The following COX10 variants were observed in gnomAD, a reference collection of about 807,000 sequenced individuals.
COX10 encodes the protein protoheme IX farnesyltransferase, mitochondrial.
A neutral mutation model predicts 37.3 loss-of-function variants in COX10; 27 were observed. That is an observed-to-expected ratio of 0.72 (90% CI 0.53 to 1.00). The LOEUF (loss-of-function observed/expected upper bound fraction) is 1.00. COX10 is among the 50% of genes least tolerant of loss of function. COX10 has a pLI of 0.00. For synonymous variants in COX10, 222 were observed against 229.1 expected (o/e 0.97, Z 0.28); for missense variants, 475 against 563.2 (o/e 0.84, Z 1.59).
At position 14,197,125 on chromosome 17, in the gene COX10, C is replaced by T. The variant is rs555084299; in HGVS notation, c.928+4904C>T. 2.0e-5 allele frequency among the ~76,000 whole-genome samples: 3 copies of T among 152,210 alleles called. No individual in the cohort carries two copies. In the South Asian group the frequency reaches 6.2e-4, roughly 32 times the overall value. On this transcript the variant is annotated intron_variant, in intron 6 of 6. Transcript: ENST00000261643. ...ATTTGAAATGGAAATCCTGCAGCCTCATATATTGAAGGCCCAATATATTTT... is the reference window on the plus strand; with the variant it reads ...ATTTGAAATGGAAATCCTGCAGCCTTATATATTGAAGGCCCAATATATTTT...
chr17:14,183,995 G>C (rs902664320), intron 5 of COX10, among the ~76,000 whole-genome samples: 1 of 152,176 alleles, frequency 6.6e-6, no homozygotes, highest in Non-Finnish European at 1.5e-5. Flanking sequence ...AACACTATGT[G>C]CTCATTTAAC....
chr17:14,130,349 G>A (rs1916436627), intron 4 of COX10, among the ~76,000 whole-genome samples: 1 of 152,114 alleles, frequency 6.6e-6, no homozygotes, highest in African/African-American at 2.4e-5. Flanking sequence ...GCCCATCACT[G>A]CCTCTGATGT....
At chr17:14,179,802 G>A (rs867005201) in intron 5 of COX10, among the ~76,000 whole-genome samples, 18 of 151,572 alleles carry the variant, frequency 1.2e-4, no homozygotes, top group African/African-American at 4.1e-4. Flanking sequence ...TCAGATGAGA[G>A]TGATCCATAA....
chr17:14,191,701 A>G (rs1212203855), intron 5 of COX10, among the ~76,000 whole-genome samples: 31 of 151,024 alleles, frequency 2.1e-4, no homozygotes, highest in African/African-American at 5.9e-4. Flanking sequence ...CCCTATAGCC[A>G]GGAAGGGACA....
chr17:14,190,159 G>A (rs1906156570), intron 5 of COX10, among the ~76,000 whole-genome samples: 1 of 152,224 alleles, frequency 6.6e-6, no homozygotes, highest in African/African-American at 2.4e-5. Flanking sequence ...GAGAAGGCAG[G>A]AGAAGAGTTA....
chr17:14,158,008 A>G (rs1337045385), intron 4 of COX10, among the ~76,000 whole-genome samples: 1 of 152,154 alleles, frequency 6.6e-6, no homozygotes, highest in Non-Finnish European at 1.5e-5. Context: ...TATGAATCAC[A>G]GGTACCTGAC....
chr17:14,159,788 T>G (rs550318315), intron 4 of COX10, 89 bp from the exon 5 acceptor site: 21 of 973,460 alleles, frequency 2.2e-5, no homozygotes, highest in South Asian at 4.2e-5. Context: ...AAAATGAAGT[T>G]TACTACAGAA....
At chr17:14,078,901 TTTCACCCCACC>T (rs746764915) in intron 3 of COX10, among the ~76,000 whole-genome samples, 7 of 152,094 alleles carry the variant, frequency 4.6e-5, no homozygotes, top group Non-Finnish European at 7.4e-5. Flanking sequence ...AGGCCAGTCC[TTTCACCCCACC>T]ATATTTGTTC....
chr17:14,119,033 T>A (rs1420837138), intron 4 of COX10, among the ~76,000 whole-genome samples: 1 of 152,198 alleles, frequency 6.6e-6, no homozygotes, highest in Middle Eastern at 3.2e-3. Flanking sequence ...AGTATTGTTT[T>A]CCATTTTTTA....
At chr17:14,180,291 A>G (rs1285870113) in intron 5 of COX10, among the ~76,000 whole-genome samples, 2 of 152,056 alleles carry the variant, frequency 1.3e-5, no homozygotes, top group Non-Finnish European at 2.9e-5. Flanking sequence ...TCTTTTTTTT[A>G]GTGTTAACCA....
intron 4 of COX10, among the ~76,000 whole-genome samples, chr17:14,134,476 G>T (rs1916534623): frequency 6.6e-6 from 1 of 151,762 alleles, no homozygotes; most frequent in Admixed American, 6.6e-5. Context: ...GAGATGAAAA[G>T]CATCCGCCTT....
intron 4 of COX10, among the ~76,000 whole-genome samples, chr17:14,113,775 T>G (rs1448174032): frequency 6.6e-6 from 1 of 152,184 alleles, no homozygotes; most frequent in Non-Finnish European, 1.5e-5. Flanking sequence ...GCAAATGTGT[T>G]TACAATTATT....
intron 5 of COX10, among the ~76,000 whole-genome samples, chr17:14,166,612 CTT>C (rs71147845): frequency 0.03 from 2,860 of 96,538 alleles, 37 homozygotes; most frequent in Middle Eastern, 0.064. Flanking sequence ...TCAATTCGAC[CTT>C]TTTTTTTTTT....
At chr17:14,100,071 C>T (rs1394837934) in intron 3 of COX10, among the ~76,000 whole-genome samples, 1 of 152,042 alleles carries the variant, frequency 6.6e-6, no homozygotes, top group Non-Finnish European at 1.5e-5. Context: ...TTTTTACAAC[C>T]CTTATTCACA....
intron 2 of COX10, among the ~76,000 whole-genome samples, chr17:14,075,683 C>T (rs1180487407): frequency 6.6e-6 from 1 of 152,262 alleles, no homozygotes. Context: ...TGTCTTCATC[C>T]TGCCCTGCTA....
At chr17:14,070,398 C>T (rs1193852568) in intron 1 of COX10, among the ~76,000 whole-genome samples, 1 of 152,112 alleles carries the variant, frequency 6.6e-6, no homozygotes, top group Non-Finnish European at 1.5e-5. Context: ...ATTTGTTTTT[C>T]CCAACTAGAA....
rs1305208648 is a variant in COX10 at position 14,159,864 on chromosome 17, A to G, written c.625-13A>G. On this transcript the variant is annotated splice_polypyrimidine_tract_variant and intron_variant, in intron 4 of 6. Coordinates refer to ENST00000261643, the MANE Select transcript of COX10 (RefSeq NM_001303.4). ...TAGTTAATGTTTTCTGTCTTTTTTC[A>G]TTCTTTTTACAGTTTTTTGAGGTGC... The G allele has an allele frequency of 1.2e-6, 2 of 1,600,800 alleles. No individual in the cohort carries two copies. Among genetic ancestry groups the G allele is most frequent in the East Asian group, 2.2e-5 (1 of 44,700 alleles).
At chr17:14,098,680 G>A (rs903554941) in intron 3 of COX10, among the ~76,000 whole-genome samples, 8 of 152,108 alleles carry the variant, frequency 5.3e-5, no homozygotes, top group Non-Finnish European at 1.2e-4. Flanking sequence ...GAGACTGTTC[G>A]TTCCCCATTG....
chr17:14,141,335 T>A (rs1245515209), intron 4 of COX10, among the ~76,000 whole-genome samples: 1 of 151,228 alleles, frequency 6.6e-6, no homozygotes, highest in Non-Finnish European at 1.5e-5. Flanking sequence ...AGCTCAGGAG[T>A]TGGAGACCAG....
Sources: gnomAD v4.1 joint callset for allele counts (sites outside exome capture counted in the v4.1 genomes callset) on GRCh38, gnomAD v4.1.1 for gene constraint, MANE v1.5 for transcripts, NCBI Gene and HGNC (gene_info 2026-07-23, HGNC 2026-07-21) for gene names.